ITPR2: variants seen among roughly 807,000 people sequenced by gnomAD.
ITPR2 encodes the protein inositol 1,4,5-trisphosphate-gated calcium channel ITPR2.
ITPR2 carries 207 observed loss-of-function variants against 317.1 expected under a neutral mutation model. The ratio of observed to expected loss-of-function variants is 0.65; its 90% CI spans 0.58 to 0.73. The LOEUF is 0.73. Among genes scored for constraint, ITPR2 ranks in the 30% least tolerant of loss-of-function variants. The probability of loss-of-function intolerance (pLI) is 0.00; values close to 1 mark genes in which losing one functional copy is unlikely to be tolerated. For synonymous variants in ITPR2, 1,156 were observed against 1,149.1 expected (o/e 1.01, Z -0.12); for missense variants, 2,613 against 3,284.0 (o/e 0.80, Z 4.99).
chr12:26,405,079 A>G (rs1591994595), intron 52 of ITPR2, among the ~76,000 whole-genome samples: 2 of 152,084 alleles, frequency 1.3e-5, no homozygotes, highest in South Asian at 4.2e-4. Context: ...GGTTGCAGTG[A>G]GCCAAGACCG....
chr12:26,362,236 T>C (rs1447614721), intron 55 of ITPR2, among the ~76,000 whole-genome samples: 1 of 152,196 alleles, frequency 6.6e-6, no homozygotes, highest in Non-Finnish European at 1.5e-5. Context: ...TAGTTCAACC[T>C]GCACTTCCTC....
At chr12:26,698,925 A>G (rs1250900446) in intron 9 of ITPR2, among the ~76,000 whole-genome samples, 1 of 151,968 alleles carries the variant, frequency 6.6e-6, no homozygotes, top group Non-Finnish European at 1.5e-5. Flanking sequence ...GAAGAAATTT[A>G]TTCATCTATT....
chr12:26,807,774 C>G (rs190859277), intron 1 of ITPR2, among the ~76,000 whole-genome samples: 3 of 152,230 alleles, frequency 2.0e-5, no homozygotes, highest in East Asian at 3.9e-4. Context: ...CATCTTAAGA[C>G]CATAATATCA....
intron 36 of ITPR2, among the ~76,000 whole-genome samples, chr12:26,554,090 C>T (rs1316675958): frequency 1.3e-5 from 2 of 152,192 alleles, no homozygotes; most frequent in Non-Finnish European, 2.9e-5. Context: ...ATGCCACAGG[C>T]TTGTCTCCAT....
chr12:26,715,959 C>A, intron 6 of ITPR2, 124 bp from the exon 7 acceptor site: 1 of 769,108 alleles, frequency 1.3e-6, no homozygotes, highest in East Asian at 2.5e-5. Context: ...TAGCTCAATA[C>A]AAGTATCTTT....
chr12:26,359,649 GCAGGGGGT>G (rs1376777458), intron 55 of ITPR2, among the ~76,000 whole-genome samples: 1 of 152,142 alleles, frequency 6.6e-6, no homozygotes, highest in Non-Finnish European at 1.5e-5. Context: ...GGAGGAGATG[GCAGGGGGT>G]CAGGGTGGGG....
chr12:26,543,638 A>T (rs903338896), intron 37 of ITPR2, among the ~76,000 whole-genome samples: 5 of 152,038 alleles, frequency 3.3e-5, no homozygotes, highest in African/African-American at 1.2e-4. Context: ...GCTGGGTGGC[A>T]GGTGCCTGTA....
chr12:26,651,114 G>A (rs572547381), intron 21 of ITPR2, among the ~76,000 whole-genome samples: 22 of 152,142 alleles, frequency 1.4e-4, no homozygotes, highest in African/African-American at 5.1e-4. Context: ...ATTACACCAT[G>A]TAGATTCAGG....
intron 2 of ITPR2, among the ~76,000 whole-genome samples, chr12:26,767,549 T>C (rs910673770): frequency 1.3e-5 from 2 of 152,246 alleles, no homozygotes; most frequent in Non-Finnish European, 1.5e-5. Context: ...CCTCTTTTCA[T>C]GTCCCAGAGT....
intron 39 of ITPR2, among the ~76,000 whole-genome samples, chr12:26,493,639 A>T (rs1347895066): frequency 6.6e-6 from 1 of 152,232 alleles, no homozygotes; most frequent in Non-Finnish European, 1.5e-5. Flanking sequence ...TGATCATTAC[A>T]TATTGTACAC....
intron 2 of ITPR2, among the ~76,000 whole-genome samples, chr12:26,771,717 T>C (rs565306166): frequency 6.6e-6 from 1 of 152,174 alleles, no homozygotes; most frequent in South Asian, 2.1e-4. Flanking sequence ...GGTTTCACTG[T>C]GTTAGCAGGA....
chr12:26,448,447 T>C (rs975928031), intron 45 of ITPR2, among the ~76,000 whole-genome samples: 1 of 152,134 alleles, frequency 6.6e-6, no homozygotes, highest in African/African-American at 2.4e-5. Context: ...TTGTTTTATA[T>C]ATGGTGTGCA....
At chr12:26,791,934 T>C (rs954959839) in intron 1 of ITPR2, among the ~76,000 whole-genome samples, 6 of 152,178 alleles carry the variant, frequency 3.9e-5, no homozygotes, top group Non-Finnish European at 5.9e-5. Flanking sequence ...TTACAGCACA[T>C]AAAAATTACA....
At chr12:26,794,435 G>T (rs1484397118) in intron 1 of ITPR2, among the ~76,000 whole-genome samples, 2 of 152,110 alleles carry the variant, frequency 1.3e-5, no homozygotes, top group Non-Finnish European at 2.9e-5. Flanking sequence ...ACACTTTATT[G>T]CTGTCCATGT....
intron 19 of ITPR2, 82 bp downstream of exon 19, chr12:26,656,215 T>G: frequency 6.5e-7 from 1 of 1,529,906 alleles, no homozygotes. Context: ...CCTTTCCACA[T>G]GTTTCATTTC....
chr12:26,578,205 C>G (rs1412964659), intron 34 of ITPR2, among the ~76,000 whole-genome samples: 2 of 151,782 alleles, frequency 1.3e-5, no homozygotes, highest in African/African-American at 4.8e-5. Context: ...GACACCCCAC[C>G]CCCATACACA....
chr12:26,694,628 A>G (rs1948302077), intron 10 of ITPR2, among the ~76,000 whole-genome samples: 1 of 152,168 alleles, frequency 6.6e-6, no homozygotes, highest in African/African-American at 2.4e-5. Flanking sequence ...GTAAGAACCA[A>G]AGAAGCCATG....
At chr12:26,435,437 T>C (rs1229646858) in intron 48 of ITPR2, among the ~76,000 whole-genome samples, 1 of 152,170 alleles carries the variant, frequency 6.6e-6, no homozygotes, top group African/African-American at 2.4e-5. Context: ...TGGTTATTAT[T>C]AGCTGATTTC....
Position 26,628,105 on chromosome 12 carries a change from T to A in ITPR2, c.2992A>T (p.Lys998Ter), listed in dbSNP as rs1281963623. The A allele has an allele frequency of 6.2e-7, 1 of 1,611,498 alleles. No individual in the cohort carries two copies. The highest frequency in any genetic ancestry group is 8.5e-7 in the Non-Finnish European group (1 of 1,177,728). Residue 998 changes from lysine (K) to a stop codon, truncating the protein, a stop_gained, in exon 23 of 57, where the codon AAG (lysine) becomes TAG (stop). Coordinates refer to ENST00000381340, the MANE Select transcript of ITPR2 (RefSeq NM_002223.4). LOFTEE classifies it high-confidence loss of function. ...RISYMLSIYK[K>*]EFGEDNDNAE... ...TTGTCATTGTCCTCTCCAAACTCCT[T>A]CTTATATATTGACAGCATATATGAG...
Sources: allele counts gnomAD v4.1 joint callset (sites outside exome capture counted in the v4.1 genomes callset), GRCh38; gene constraint gnomAD v4.1.1; transcripts MANE v1.5; gene names NCBI Gene and HGNC (gene_info 2026-07-23, HGNC 2026-07-21).